PTPRM: variants seen among roughly 807,000 people sequenced by gnomAD.
PTPRM encodes protein tyrosine phosphatase receptor type M, also known as receptor-type tyrosine-protein phosphatase mu.
In PTPRM, 47 loss-of-function variants were observed where a neutral mutation model predicts 186.7. The observed-to-expected ratio is 0.25, with a 90% CI of 0.20 to 0.32. The LOEUF is 0.32. Among genes scored for constraint, PTPRM ranks in the 10% least tolerant of loss-of-function variants. The pLI is 1.00. For synonymous variants in PTPRM, 668 were observed against 674.9 expected, an observed-to-expected ratio of 0.99 and a Z score of 0.16; for missense variants, 1,494 against 1,865.0, an observed-to-expected ratio of 0.80 and a Z score of 3.66.
At chr18:8,099,467 A>T (rs1294135392) in intron 11 of PTPRM, among the ~76,000 whole-genome samples, 1 of 152,050 alleles carries the variant, frequency 6.6e-6, no homozygotes, top group Non-Finnish European at 1.5e-5. Flanking sequence ...TCATTTTTTT[A>T]AACTGTAGAA....
intron 15 of PTPRM, among the ~76,000 whole-genome samples, chr18:8,246,734 T>C (rs2094480249): frequency 6.6e-6 from 1 of 152,210 alleles, no homozygotes; most frequent in Non-Finnish European, 1.5e-5. Flanking sequence ...TTTGTAAAAA[T>C]ACCTGTAAAT....
intron 2 of PTPRM, among the ~76,000 whole-genome samples, chr18:7,842,947 T>TATATATATAGAGAGAGAGAGAGAGAG (rs370746043): frequency 7.1e-5 from 8 of 112,118 alleles, no homozygotes; most frequent in South Asian, 2.9e-4. Context: ...TATATATATA[T>TATATATATAGAGAGAGAGAGAGAGAG]AGAGAGAGAG....
At chr18:8,198,684 G>A (rs149305785) in intron 14 of PTPRM, among the ~76,000 whole-genome samples, 37 of 152,152 alleles carry the variant, frequency 2.4e-4, no homozygotes, top group Middle Eastern at 6.8e-3. Flanking sequence ...TCTTAATGAC[G>A]AACCGACGGC....
chr18:7,982,732 G>A (rs1038543590), intron 7 of PTPRM, among the ~76,000 whole-genome samples: 6 of 152,090 alleles, frequency 3.9e-5, no homozygotes, highest in African/African-American at 1.4e-4. Flanking sequence ...AGTGTGTTGT[G>A]CTATGACGTT....
rs142680987 is a variant in PTPRM, at chr18:7,951,631, C to T, written c.838+2276C>T. 8.0e-4 allele frequency among the ~76,000 whole-genome samples: 122 copies of T among 152,184 alleles called. No individual in the cohort carries two copies. In the East Asian group the frequency reaches 0.019, roughly 24 times the overall value. On this transcript the variant is annotated intron_variant, in intron 6 of 32. Coordinates refer to ENST00000580170, the MANE Select transcript of PTPRM (RefSeq NM_001105244.2). Reference sequence around the variant, plus strand: ...ATTACCAGGGACTTATTTCCATTTCCGCACACTGCCACAGCTCATGACAAT... The same window carrying T: ...ATTACCAGGGACTTATTTCCATTTCTGCACACTGCCACAGCTCATGACAAT...
intron 14 of PTPRM, among the ~76,000 whole-genome samples, chr18:8,228,985 T>G (rs979514728): frequency 6.6e-6 from 1 of 152,162 alleles, no homozygotes; most frequent in African/African-American, 2.4e-5. Context: ...GATCAAGCCA[T>G]GAAATGTGAG....
intron 6 of PTPRM, among the ~76,000 whole-genome samples, chr18:7,951,566 T>A (rs1256178986): frequency 6.6e-6 from 1 of 152,216 alleles, no homozygotes; most frequent in Non-Finnish European, 1.5e-5. Flanking sequence ...TTTTCCTGTC[T>A]TATGGCAGTG....
At chr18:8,063,667 A>C (rs1238507107) in intron 7 of PTPRM, among the ~76,000 whole-genome samples, 2 of 152,182 alleles carry the variant, frequency 1.3e-5, no homozygotes, top group Non-Finnish European at 2.9e-5. Context: ...GTACAAGTAC[A>C]GTCATGCAAT....
chr18:7,857,948 TTTC>T (rs1295216397), intron 2 of PTPRM, among the ~76,000 whole-genome samples: 11 of 152,308 alleles, frequency 7.2e-5, no homozygotes, highest in African/African-American at 2.6e-4. Context: ...CTTTAATGGC[TTTC>T]TTCTTAAGTG....
chr18:7,923,122 C>T (rs1207793337), intron 4 of PTPRM, among the ~76,000 whole-genome samples: 4 of 152,300 alleles, frequency 2.6e-5, no homozygotes, highest in Non-Finnish European at 4.4e-5. Context: ...TCAGAACTGA[C>T]CAGCTTAACT....
chr18:8,319,964 G>C (rs2095335473), intron 22 of PTPRM, among the ~76,000 whole-genome samples: 1 of 152,170 alleles, frequency 6.6e-6, no homozygotes, highest in South Asian at 2.1e-4. Flanking sequence ...TGGGTCATCT[G>C]CAGATGGTGG....
intron 2 of PTPRM, among the ~76,000 whole-genome samples, chr18:7,887,210 T>A (rs2146340533): frequency 6.6e-6 from 1 of 152,262 alleles, no homozygotes; most frequent in South Asian, 2.1e-4. Context: ...TCTTAGAACA[T>A]TTTGCTTTTA....
chr18:8,278,787 C>T (rs1568653755), intron 19 of PTPRM, among the ~76,000 whole-genome samples: 1 of 152,058 alleles, frequency 6.6e-6, no homozygotes, highest in African/African-American at 2.4e-5. Flanking sequence ...TCTGCGTATC[C>T]CAATCAGCCC....
intron 5 of PTPRM, among the ~76,000 whole-genome samples, chr18:7,939,451 A>G (rs528569456): frequency 6.6e-6 from 1 of 152,234 alleles, no homozygotes; most frequent in African/African-American, 2.4e-5. Flanking sequence ...ATTACTGCTC[A>G]TTTAGAAGTC....
chr18:7,858,385 C>T (rs139166419), intron 2 of PTPRM, among the ~76,000 whole-genome samples: 20 of 152,020 alleles, frequency 1.3e-4, no homozygotes, highest in Admixed American at 7.9e-4. Flanking sequence ...GGCAAGACTC[C>T]GTCTCTTATT....
intron 19 of PTPRM, among the ~76,000 whole-genome samples, chr18:8,273,744 A>G (rs1223688164): frequency 1.3e-5 from 2 of 152,234 alleles, no homozygotes; most frequent in Non-Finnish European, 2.9e-5. Context: ...TTGCAATTCA[A>G]GACTGACAGT....
chr18:7,977,280 A>G (rs1364223645), intron 7 of PTPRM, among the ~76,000 whole-genome samples: 1 of 151,874 alleles, frequency 6.6e-6, no homozygotes, highest in Admixed American at 6.6e-5. Context: ...GTAGAGACGG[A>G]GTTTTGCCAT....
intron 14 of PTPRM, among the ~76,000 whole-genome samples, chr18:8,223,310 G>A (rs1289713598): frequency 9.9e-5 from 15 of 152,168 alleles, no homozygotes; most frequent in Admixed American, 9.8e-4. Flanking sequence ...GTAATTCTAA[G>A]AGTCAAGAGT....
At chr18:8,210,384 G>A (rs1450356088) in intron 14 of PTPRM, among the ~76,000 whole-genome samples, 2 of 152,148 alleles carry the variant, frequency 1.3e-5, no homozygotes, top group African/African-American at 4.8e-5. Context: ...GGAGAAGGCT[G>A]CGGGAGGACA....
Sources: gnomAD v4.1 joint callset for allele counts (sites outside exome capture counted in the v4.1 genomes callset) on GRCh38, gnomAD v4.1.1 for gene constraint, MANE v1.5 for transcripts, NCBI Gene and HGNC (gene_info 2026-07-23, HGNC 2026-07-21) for gene names.